The following BRD10 variants were observed in gnomAD, a reference collection of about 807,000 sequenced individuals.
The protein encoded by BRD10 is uncharacterized bromodomain-containing protein 10.
chr9:5,886,483 ATGC>A, the BRD10 span, among the ~76,000 whole-genome samples: 1 of 152,224 alleles, frequency 6.6e-6, no homozygotes, highest in Non-Finnish European at 1.5e-5. Context: ...TATGAAGCAG[ATGC>A]TGCTATTATC....
the BRD10 span, among the ~76,000 whole-genome samples, chr9:5,993,825 G>T: frequency 6.6e-6 from 1 of 152,074 alleles, no homozygotes; most frequent in Non-Finnish European, 1.5e-5. Context: ...AGTGCACAAG[G>T]GTAGAAAATG....
the BRD10 span, among the ~76,000 whole-genome samples, chr9:5,884,913 C>T: frequency 0.013 from 1,984 of 152,326 alleles, 37 homozygotes; most frequent in African/African-American, 0.045. Context: ...CCGTGTTCAC[C>T]TGGAACCCCT....
chr9:5,922,231 A>C, the BRD10 span: 1 of 1,613,910 alleles, frequency 6.2e-7, no homozygotes, highest in Non-Finnish European at 8.5e-7. Context: ...TCTGTTGTGC[A>C]AAACAGTTGA....
the BRD10 span, among the ~76,000 whole-genome samples, chr9:5,895,972 G>A: frequency 6.6e-6 from 1 of 152,222 alleles, no homozygotes; most frequent in African/African-American, 2.4e-5. Context: ...GGCATGTTGG[G>A]AGTTGAATCA....
chr9:5,961,931 T>G, the BRD10 span, among the ~76,000 whole-genome samples: 1 of 144,124 alleles, frequency 6.9e-6, no homozygotes, highest in East Asian at 2.0e-4. Context: ...AAAAACCAGC[T>G]CCTGGATTCA....
the BRD10 span, among the ~76,000 whole-genome samples, chr9:5,951,901 C>T: frequency 2.0e-5 from 3 of 152,108 alleles, no homozygotes; most frequent in Admixed American, 6.6e-5. Flanking sequence ...ATAAGAACCA[C>T]TGTTTTCATG....
chr9:5,923,679 C>G, the BRD10 span, among the ~76,000 whole-genome samples: 1 of 152,182 alleles, frequency 6.6e-6, no homozygotes, highest in Non-Finnish European at 1.5e-5. Flanking sequence ...TTCTCTTTTT[C>G]TAGCTAGGAA....
the BRD10 span, among the ~76,000 whole-genome samples, chr9:5,899,969 T>A: frequency 1.3e-5 from 2 of 152,366 alleles, no homozygotes; most frequent in Admixed American, 1.3e-4. Context: ...ACAATGTATA[T>A]CCATTTTTAT....
chr9:5,999,454 G>A, the BRD10 span, among the ~76,000 whole-genome samples: 3 of 152,070 alleles, frequency 2.0e-5, no homozygotes, highest in Admixed American at 1.3e-4. Flanking sequence ...AAGCAAAGCT[G>A]AAAATTAAAG....
At chr9:5,969,570 G>C in the BRD10 span, 2 of 660,008 alleles carry the variant, frequency 3.0e-6, no homozygotes, top group Non-Finnish European at 4.9e-6. Flanking sequence ...TTGAGACAGA[G>C]TCTCGCTCTG....
the BRD10 span, among the ~76,000 whole-genome samples, chr9:5,895,430 T>TG: frequency 2.0e-5 from 3 of 152,012 alleles, no homozygotes; most frequent in African/African-American, 7.2e-5. Context: ...TCCTGCACAA[T>TG]GGGGCAATCT....
the BRD10 span, among the ~76,000 whole-genome samples, chr9:6,004,653 T>C: frequency 6.6e-6 from 1 of 152,238 alleles, no homozygotes; most frequent in East Asian, 1.9e-4. Flanking sequence ...AAGTGATTCA[T>C]TGGTTTCATT....
At chr9:5,943,936 A>G in the BRD10 span, among the ~76,000 whole-genome samples, 1 of 152,130 alleles carries the variant, frequency 6.6e-6, no homozygotes, top group Non-Finnish European at 1.5e-5. Flanking sequence ...CTTTTATGGT[A>G]CTGCAATCTC....
chr9:5,956,565 A>G, the BRD10 span, among the ~76,000 whole-genome samples: 7 of 152,196 alleles, frequency 4.6e-5, no homozygotes, highest in Admixed American at 2.6e-4. Context: ...TAAATGGGTT[A>G]TAACACCCCA....
At chr9:5,926,916 C>A in the BRD10 span, among the ~76,000 whole-genome samples, 8 of 152,066 alleles carry the variant, frequency 5.3e-5, no homozygotes, top group Non-Finnish European at 1.0e-4. Context: ...CCTCTCAGTA[C>A]GTGTGGCACA....
At chr9:5,990,593 G>A in the BRD10 span, among the ~76,000 whole-genome samples, 3 of 152,202 alleles carry the variant, frequency 2.0e-5, no homozygotes, top group East Asian at 1.9e-4. Context: ...AGACCAAAGA[G>A]AAAGTAATAT....
the BRD10 span, among the ~76,000 whole-genome samples, chr9:5,890,101 G>A: frequency 6.6e-6 from 1 of 152,178 alleles, no homozygotes; most frequent in Non-Finnish European, 1.5e-5. Context: ...AACCCTTTGA[G>A]ATGGAGATGA....
the BRD10 span, chr9:5,919,626 T>A: frequency 6.8e-7 from 1 of 1,465,860 alleles, no homozygotes; most frequent in Non-Finnish European, 9.1e-7. Context: ...CATTGAAAAT[T>A]TTTATGGGAG....
chr9:5,998,059 A>T, the BRD10 span, among the ~76,000 whole-genome samples: 1 of 152,178 alleles, frequency 6.6e-6, no homozygotes, highest in Admixed American at 6.5e-5. Context: ...TTTTGGCTAG[A>T]GCAATTTGGT....
Sources: allele counts gnomAD v4.1 joint callset (sites outside exome capture counted in the v4.1 genomes callset), GRCh38; gene constraint gnomAD v4.1.1; transcripts MANE v1.5; gene names NCBI Gene and HGNC (gene_info 2026-07-23, HGNC 2026-07-21).